SELP: variants seen among roughly 807,000 people sequenced by gnomAD.
SELP encodes the protein P-selectin.
Under a neutral mutation model 104.1 loss-of-function variants are expected in SELP, and 92 were observed. The ratio of observed to expected loss-of-function variants is 0.88; its 90% CI spans 0.75 to 1.05. The LOEUF (loss-of-function observed/expected upper bound fraction) is 1.05, where lower values mean the gene tolerates loss of function less well. Among genes scored for constraint, SELP ranks in the 50% least tolerant of loss-of-function variants. SELP has a pLI of 0.00. For missense variants in SELP, 1,022 were observed against 1,017.3 expected (o/e 1.00, Z -0.06); for synonymous variants, 397 against 364.5 (o/e 1.09, Z -1.01).
chr1:169,628,733 G>A (rs1459477470), intron 1 of SELP, among the ~76,000 whole-genome samples: 9 of 152,208 alleles, frequency 5.9e-5, no homozygotes, highest in African/African-American at 2.2e-4. Context: ...AAATAGAGGA[G>A]GATGCCAAGG....
At position 169,617,063 on chromosome 1, in the gene SELP, T is replaced by G; in HGVS notation, c.446A>C (p.His149Pro). 1 of 1,613,872 alleles carries G rather than the reference T, an allele frequency of 6.2e-7. No individual in the cohort carries two copies. The highest frequency in any genetic ancestry group is 2.2e-5 in the East Asian group (1 of 44,866). The change falls in exon 3 of 17, where the codon CAC becomes CCC. Residue 149 changes from histidine (H) to proline (P), a missense_variant. Physicochemically the swap from His to Pro is moderately conservative, Grantham distance 77. Transcript: ENST00000263686. ...PSAPGKWNDEHCLKKKHALCY... is the reference protein window; with the variant it reads ...PSAPGKWNDEPCLKKKHALCY... ...CAATGCGTGCTTTTTCTTCAAGCAGTGCTCATCATTCCACTTGCCAGGGGC... is the reference window on the plus strand; with the variant it reads ...CAATGCGTGCTTTTTCTTCAAGCAGGGCTCATCATTCCACTTGCCAGGGGC...
In SELP at chr1:169,602,941, G is replaced by A. The variant is rs3917770; in HGVS notation, c.1705+85C>T. The A allele has an allele frequency of 4.5e-3, 5,362 of 1,195,778 alleles. 115 individuals carry two copies. The African/African-American group carries it at 0.052, about 12-fold the overall frequency. 74.1% of individuals were successfully genotyped at this position (1,195,778 alleles called of 1,614,324 possible). On this transcript the variant is annotated intron_variant, in intron 10 of 16. Coordinates refer to ENST00000263686, the MANE Select transcript of SELP (RefSeq NM_003005.4). ...GAGAGTGTTGTTTGCTTCAGCTCAA[G>A]AACACTTTTATATAAATCCCTGATG...
rs1451711796 is a variant in SELP, at chr1:169,611,622, A to G, written c.1017T>C (p.His339=). 2 of 1,614,154 alleles carry G rather than the reference A, an allele frequency of 1.2e-6. No homozygotes were observed. Among genetic ancestry groups the G allele is most frequent in the Admixed American group, 3.3e-5 (2 of 60,024 alleles). The change falls in exon 7 of 17, where the codon CAT becomes CAC. Residue 339 remains histidine, a synonymous_variant. Coordinates refer to ENST00000263686, the MANE Select transcript of SELP (RefSeq NM_003005.4). ...APSEGTMDCV[H]PLTAFAYGSS... ...AGCCATAGGCAAAAGCAGTGAGCGG[A>G]TGAACACAGTCCATGGTTCCTTCAC...
intron 9 of SELP, among the ~76,000 whole-genome samples, chr1:169,605,302 GTTC>G (rs1571641617): frequency 1.3e-5 from 2 of 152,188 alleles, no homozygotes; most frequent in East Asian, 3.8e-4. Flanking sequence ...GCCCCGCCCT[GTTC>G]TCTCCAGACC....
intron 7 of SELP, among the ~76,000 whole-genome samples, chr1:169,610,494 G>A (rs1342236608): frequency 6.6e-6 from 1 of 152,114 alleles, no homozygotes; most frequent in African/African-American, 2.4e-5. Context: ...CAGACTCAGA[G>A]CATTTAAGAA....
Position 169,607,036 on chromosome 1 carries a change from A to C in SELP, c.1432T>G (p.Cys478Gly), listed in dbSNP as rs1662238177. The change falls in exon 9 of 17, where the codon TGC becomes GGC. Residue 478 changes from cysteine to glycine, a missense_variant. Physicochemically the swap from Cys to Gly is radical, Grantham distance 159. Transcript: ENST00000263686. ...CCCACCAGGAGCAAGCCTTCATTGC[A>C]GGTGAAGCTGCAGACTGACTGGTAC... ...FRYQSVCSFTCNEGLLLVGAS... is the reference protein window; with the variant it reads ...FRYQSVCSFTGNEGLLLVGAS... The C allele has an allele frequency of 1.2e-6, 2 of 1,613,692 alleles. No individual in the cohort carries two copies. Among genetic ancestry groups the C allele is most frequent in the South Asian group, 1.1e-5 (1 of 91,084 alleles).
Position 169,594,773 on chromosome 1 carries a change from C to G in SELP, c.2206G>C (p.Glu736Gln), listed in dbSNP as rs1036688172. Residue 736 changes from glutamate (E) to glutamine (Q), a missense_variant, in exon 13 of 17, where the codon GAG (glutamate) becomes CAG (glutamine). Coordinates refer to ENST00000263686, the MANE Select transcript of SELP (RefSeq NM_003005.4). ...YGSICSFHCL[E>Q]GQLLNGSAQT... ...GCAGAGCCATTAAGTAACTGGCCCT[C>G]TAGACAATGGAAAGAGCAGATTGAT... 1 of 1,613,848 alleles carries G rather than the reference C, an allele frequency of 6.2e-7. No homozygotes were observed. The highest frequency in any genetic ancestry group is 8.5e-7 in the Non-Finnish European group (1 of 1,179,822).
intron 1 of SELP, among the ~76,000 whole-genome samples, chr1:169,626,257 A>G (rs1663369310): frequency 1.3e-5 from 2 of 152,198 alleles, no homozygotes; most frequent in Non-Finnish European, 2.9e-5. Context: ...ATCCAAAACA[A>G]GGGGATGAGA....
intron 1 of SELP, among the ~76,000 whole-genome samples, chr1:169,623,210 G>A (rs910008963): frequency 1.3e-5 from 2 of 152,092 alleles, no homozygotes; most frequent in East Asian, 3.9e-4. Flanking sequence ...GATTGCAGAA[G>A]GAGTGCAACG....
At position 169,612,950 on chromosome 1, in the gene SELP, T is replaced by C; in HGVS notation, c.754A>G (p.Asn252Asp). ...ATACCTAAACACTGTGGAGGCTTAT[T>C]TGTCCAGATTCCAGAAGCCAAGCAT... Reference protein sequence around the residue: ...LECLASGIWTNKPPQCLAAQC... With the variant: ...LECLASGIWTDKPPQCLAAQC... The change falls in exon 5 of 17, where the codon AAT (asparagine) becomes GAT (aspartate). Residue 252 changes from asparagine (N) to aspartate (D), a missense_variant. Physicochemically the swap from Asn to Asp is conservative, Grantham distance 23. Transcript: ENST00000263686. 6.2e-7 allele frequency: 1 copy of C among 1,612,370 alleles called. No homozygotes were observed. Among genetic ancestry groups the C allele is most frequent in the Non-Finnish European group, 8.5e-7 (1 of 1,178,838 alleles).
chr1:169,613,821 A>G (rs918531875), intron 3 of SELP, 128 bp from the exon 4 acceptor site: 2 of 718,008 alleles, frequency 2.8e-6, no homozygotes, highest in Non-Finnish European at 4.9e-6. Context: ...AGGGAAGCAC[A>G]GTATCTTCTA....
chr1:169,613,985 G>A (rs1662685979), intron 3 of SELP, among the ~76,000 whole-genome samples: 1 of 152,262 alleles, frequency 6.6e-6, no homozygotes, highest in Non-Finnish European at 1.5e-5. Context: ...TGTGTGGACA[G>A]AGAAACCCTA....
At chr1:169,599,175 A>C (rs1470555282) in intron 10 of SELP, among the ~76,000 whole-genome samples, 1 of 152,194 alleles carries the variant, frequency 6.6e-6, no homozygotes, top group African/African-American at 2.4e-5. Context: ...ATGGAAGCCT[A>C]ACCCAGATCC....
intron 9 of SELP, 46 bp from the exon 10 acceptor site, chr1:169,603,257 T>G: frequency 6.5e-7 from 1 of 1,543,116 alleles, no homozygotes; most frequent in South Asian, 1.2e-5. Flanking sequence ...CATTTTATAA[T>G]TCAGCAACCT....
intron 1 of SELP, among the ~76,000 whole-genome samples, chr1:169,624,224 A>G (rs1226245261): frequency 6.6e-6 from 1 of 152,152 alleles, no homozygotes; most frequent in Non-Finnish European, 1.5e-5. Flanking sequence ...CCTACTCTGC[A>G]TTATAGTCTG....
chr1:169,613,486 C>T (rs1259735567), intron 4 of SELP, 100 bp downstream of exon 4: 2 of 869,494 alleles, frequency 2.3e-6, no homozygotes, highest in Admixed American at 4.0e-5. Context: ...GGGCTGGTAC[C>T]ATCCTATTCT....
intron 10 of SELP, 131 bp from the exon 11 acceptor site, chr1:169,597,307 G>T: frequency 2.6e-6 from 2 of 757,888 alleles, no homozygotes; most frequent in South Asian, 2.5e-5. Flanking sequence ...TTGCTAGGCA[G>T]CAGCATTCCA....
Position 169,593,638 on chromosome 1 carries a change from G to A in SELP, c.2374C>T (p.Leu792=). Residue 792 remains leucine (L), a synonymous_variant, in exon 14 of 17, where the codon CTG becomes TTG. Coordinates refer to ENST00000263686, the MANE Select transcript of SELP (RefSeq NM_003005.4). ...CTGAAACGCTTTCTTAGCAAAGCCA[G>A]GAGCGTCCCACCCATTATCAGACCT... ...TIGLIMGGTL[L]ALLRKRFRQK... is the part of the protein sequence containing the mutation. 1 of 1,613,360 alleles carries A rather than the reference G, an allele frequency of 6.2e-7. No individual in the cohort carries two copies. Among genetic ancestry groups the A allele is most frequent in the Non-Finnish European group, 8.5e-7 (1 of 1,179,514 alleles).
At chr1:169,615,844 T>C (rs915814487) in intron 3 of SELP, among the ~76,000 whole-genome samples, 1 of 152,222 alleles carries the variant, frequency 6.6e-6, no homozygotes, top group Non-Finnish European at 1.5e-5. Flanking sequence ...TTCTGTTCCA[T>C]ACCTGTACTG....
Sources: allele counts gnomAD v4.1 joint callset (sites outside exome capture counted in the v4.1 genomes callset), GRCh38; gene constraint gnomAD v4.1.1; transcripts MANE v1.5; gene names NCBI Gene and HGNC (gene_info 2026-07-23, HGNC 2026-07-21).